Variants in EVI5 observed in about 807,000 individuals in gnomAD.
EVI5 encodes the protein ecotropic viral integration site 5 protein homolog.
In EVI5, 73 loss-of-function variants were observed where a neutral mutation model predicts 112.0. The observed-to-expected ratio is 0.65, with a 90% CI of 0.54 to 0.79. The LOEUF (loss-of-function observed/expected upper bound fraction) is 0.79. Ranked by LOEUF, EVI5 falls within the 30% of genes least tolerant of loss-of-function variation. EVI5 has a pLI of 0.00. For synonymous variants in EVI5, 305 were observed against 319.9 expected, an observed-to-expected ratio of 0.95 and a Z score of 0.50; for missense variants, 900 against 968.8, an observed-to-expected ratio of 0.93 and a Z score of 0.94.
At chr1:92,553,820 G>A (rs1157774468) in intron 19 of EVI5, among the ~76,000 whole-genome samples, 1 of 152,134 alleles carries the variant, frequency 6.6e-6, no homozygotes, top group African/African-American at 2.4e-5. Context: ...GAAACATATT[G>A]CCTTGGAGAT....
intron 11 of EVI5, among the ~76,000 whole-genome samples, chr1:92,664,321 G>C (rs533288681): frequency 6.6e-6 from 1 of 152,162 alleles, no homozygotes; most frequent in South Asian, 2.1e-4. Context: ...AGAATTCTAA[G>C]TGCTAAGTGA....
At chr1:92,679,254 G>A (rs1376048517) in intron 9 of EVI5, among the ~76,000 whole-genome samples, 1 of 152,184 alleles carries the variant, frequency 6.6e-6, no homozygotes. Context: ...GCCCCCATAA[G>A]TGGAGAAATG....
intron 1 of EVI5, among the ~76,000 whole-genome samples, chr1:92,791,491 C>T (rs1686086330): frequency 6.6e-6 from 1 of 151,990 alleles, no homozygotes; most frequent in South Asian, 2.1e-4. Context: ...TGCTATTTTC[C>T]AAAGCCACAA....
At chr1:92,525,788 C>A (rs563310455) in intron 19 of EVI5, among the ~76,000 whole-genome samples, 1 of 152,168 alleles carries the variant, frequency 6.6e-6, no homozygotes, top group Non-Finnish European at 1.5e-5. Context: ...CTGCTTCTTT[C>A]GGACCCAGGC....
chr1:92,559,830 G>A (rs540810583), intron 19 of EVI5, among the ~76,000 whole-genome samples: 1 of 142,946 alleles, frequency 7.0e-6, no homozygotes, highest in South Asian at 2.4e-4. Context: ...ACTTATATGT[G>A]ACCTCATCTG....
chr1:92,663,370 A>T, intron 12 of EVI5, 50 bp downstream of exon 12: 1 of 908,530 alleles, frequency 1.1e-6, no homozygotes, highest in Non-Finnish European at 1.6e-6. Context: ...GACTTTCCTT[A>T]GAAGTTAGAG....
At chr1:92,607,380 T>C (rs1289138209) in intron 17 of EVI5, 7 of 419,638 alleles carry the variant, frequency 1.7e-5, no homozygotes, top group Non-Finnish European at 2.9e-5. Context: ...TGACTGAAAA[T>C]GTTTCTTGAC....
At chr1:92,719,805 C>T (rs1332579195) in intron 2 of EVI5, among the ~76,000 whole-genome samples, 2 of 152,046 alleles carry the variant, frequency 1.3e-5, no homozygotes, top group Non-Finnish European at 2.9e-5. Context: ...ACCCCATTGT[C>T]TCAGCCCAAA....
At chr1:92,580,338 A>G (rs1671746342) in intron 18 of EVI5, 1 of 152,240 alleles carries the variant, frequency 6.6e-6, no homozygotes, top group South Asian at 2.1e-4. Flanking sequence ...ATAACAACCA[A>G]AAATAAAAGA....
intron 18 of EVI5, among the ~76,000 whole-genome samples, chr1:92,577,079 A>T (rs576500888): frequency 9.6e-4 from 146 of 152,360 alleles, no homozygotes; most frequent in African/African-American, 3.3e-3. Context: ...CATTATCTCT[A>T]TAACAGGGTG....
chr1:92,572,501 C>G (rs529039489), intron 18 of EVI5, among the ~76,000 whole-genome samples: 1 of 152,232 alleles, frequency 6.6e-6, no homozygotes, highest in Admixed American at 6.5e-5. Flanking sequence ...CTACACTGCA[C>G]TTCATTTACA....
intron 9 of EVI5, among the ~76,000 whole-genome samples, chr1:92,688,987 A>G (rs1024422571): frequency 1.3e-5 from 2 of 152,190 alleles, no homozygotes; most frequent in Non-Finnish European, 2.9e-5. Flanking sequence ...ATCATAAACA[A>G]CTAGTAACCA....
upstream of EVI5, among the ~76,000 whole-genome samples, chr1:92,788,673 A>C (rs1364340595): frequency 1.3e-5 from 2 of 151,996 alleles, no homozygotes; most frequent in African/African-American, 4.8e-5. Context: ...GTGTGCCTGT[A>C]GTCCCAGCTG....
At chr1:92,744,783 G>A (rs1679016271) in intron 1 of EVI5, among the ~76,000 whole-genome samples, 2 of 152,118 alleles carry the variant, frequency 1.3e-5, no homozygotes, top group Admixed American at 6.6e-5. Flanking sequence ...CTTTATAGAG[G>A]AAGAGTTTTT....
intron 3 of EVI5, 134 bp from the exon 4 acceptor site, chr1:92,703,753 T>A: frequency 1.6e-6 from 1 of 623,310 alleles, no homozygotes; most frequent in Non-Finnish European, 2.7e-6. Flanking sequence ...AGCTTTATAA[T>A]AAGACTAGGG....
intron 13 of EVI5, among the ~76,000 whole-genome samples, chr1:92,651,370 G>C (rs1662058971): frequency 6.6e-6 from 1 of 152,178 alleles, no homozygotes; most frequent in Non-Finnish European, 1.5e-5. Context: ...AAAGGAGAAA[G>C]AGAGGAACCA....
chr1:92,719,046 ATAAT>A (rs1410903020), intron 2 of EVI5, among the ~76,000 whole-genome samples: 1 of 152,222 alleles, frequency 6.6e-6, no homozygotes, highest in South Asian at 2.1e-4. Context: ...AATTGAGGCA[ATAAT>A]TAATACCCTA....
At chr1:92,733,430 G>A (rs552405080) in intron 2 of EVI5, among the ~76,000 whole-genome samples, 15 of 145,686 alleles carry the variant, frequency 1.0e-4, no homozygotes, top group East Asian at 2.0e-4. Flanking sequence ...TAAATGAGAC[G>A]GACTCTTACT....
intron 16 of EVI5, among the ~76,000 whole-genome samples, chr1:92,623,237 GAAT>G (rs1654961930): frequency 6.6e-6 from 1 of 151,934 alleles, no homozygotes; most frequent in Non-Finnish European, 1.5e-5. Context: ...ATTTTATATA[GAAT>G]AATACAAGAA....
Sources: gnomAD v4.1 joint callset for allele counts (sites outside exome capture counted in the v4.1 genomes callset) on GRCh38, gnomAD v4.1.1 for gene constraint, MANE v1.5 for transcripts, NCBI Gene and HGNC (gene_info 2026-07-23, HGNC 2026-07-21) for gene names.